TTLL5: variants seen among roughly 807,000 people sequenced by gnomAD.
The protein encoded by TTLL5 is tubulin polyglutamylase TTLL5.
A neutral mutation model predicts 168.4 loss-of-function variants in TTLL5; 132 were observed. That is an observed-to-expected ratio of 0.78 (90% CI 0.68 to 0.91). The LOEUF (loss-of-function observed/expected upper bound fraction) is 0.91, where lower values mean the gene tolerates loss of function less well. TTLL5 is among the 40% of genes least tolerant of loss of function. The pLI, the probability that TTLL5 is intolerant of heterozygous loss-of-function variation, is 0.00. For synonymous variants in TTLL5, 546 were observed against 558.6 expected (o/e 0.98, Z 0.32); for missense variants, 1,545 against 1,581.5 (o/e 0.98, Z 0.39).
At chr14:75,790,870 A>G (rs1466800278) in intron 26 of TTLL5, among the ~76,000 whole-genome samples, 2 of 149,736 alleles carry the variant, frequency 1.3e-5, no homozygotes, top group Non-Finnish European at 1.5e-5. Context: ...GCCAAGGCAG[A>G]CGGATCACGA....
At chr14:75,718,009 G>T in intron 10 of TTLL5, 47 bp downstream of exon 10, 1 of 1,560,770 alleles carries the variant, frequency 6.4e-7, no homozygotes, top group East Asian at 2.3e-5. Flanking sequence ...AGTCTCAGAT[G>T]TGGGTGTTGT....
At chr14:75,931,277 A>G (rs2034267707) in intron 31 of TTLL5, among the ~76,000 whole-genome samples, 1 of 152,112 alleles carries the variant, frequency 6.6e-6, no homozygotes, top group African/African-American at 2.4e-5. Flanking sequence ...CACATCCAGA[A>G]CTGACCTTAT....
At chr14:75,856,574 G>T (rs1369178226) in intron 28 of TTLL5, among the ~76,000 whole-genome samples, 1 of 150,008 alleles carries the variant, frequency 6.7e-6, no homozygotes, top group Non-Finnish European at 1.5e-5. Flanking sequence ...TTTTCTATTA[G>T]ATTTATTCTT....
At chr14:75,841,045 A>T (rs1335710328) in intron 28 of TTLL5, among the ~76,000 whole-genome samples, 2 of 152,180 alleles carry the variant, frequency 1.3e-5, no homozygotes, top group African/African-American at 4.8e-5. Context: ...CTCTTAAAAC[A>T]ACCAGATTTC....
chr14:75,856,587 G>A (rs147098188), intron 28 of TTLL5, among the ~76,000 whole-genome samples: 1 of 149,612 alleles, frequency 6.7e-6, no homozygotes, highest in East Asian at 2.0e-4. Flanking sequence ...TTATTCTTAG[G>A]TATTTGATGT....
At chr14:75,784,821 G>A (rs1892270156) in intron 26 of TTLL5, among the ~76,000 whole-genome samples, 1 of 152,052 alleles carries the variant, frequency 6.6e-6, no homozygotes, top group Non-Finnish European at 1.5e-5. Context: ...GTTATGATTT[G>A]CATTTCCCTA....
intron 17 of TTLL5, among the ~76,000 whole-genome samples, chr14:75,748,595 A>G (rs747245292): frequency 1.3e-5 from 2 of 152,186 alleles, no homozygotes; most frequent in Non-Finnish European, 2.9e-5. Context: ...CTCATTTCAG[A>G]TCCGTTGCTG....
In TTLL5 at chr14:75,939,051, G is replaced by A. The variant is rs566045759; in HGVS notation, c.3824-15373G>A. ...ACTCTGCCTTCAGTAACTTTGCGTT[G>A]GTTATTTGAACTCAATTGTGGTGGA... On this transcript the variant is annotated intron_variant, in intron 31 of 31. Transcript: ENST00000298832. Among the ~76,000 whole-genome samples, 16 of 152,278 alleles carry A rather than the reference G, an allele frequency of 1.1e-4. No homozygotes were observed. In the South Asian group the frequency reaches 3.3e-3, roughly 32 times the overall value.
chr14:75,740,713 T>TA (rs1413115757), intron 15 of TTLL5, among the ~76,000 whole-genome samples: 5 of 152,214 alleles, frequency 3.3e-5, no homozygotes, highest in Non-Finnish European at 7.4e-5. Flanking sequence ...GATTTATTGA[T>TA]AATGTGGTCT....
At chr14:75,690,043 C>A in intron 5 of TTLL5, 149 bp from the exon 6 acceptor site, 2 of 743,550 alleles carry the variant, frequency 2.7e-6, no homozygotes, top group South Asian at 2.1e-5. Flanking sequence ...GATTAATAAG[C>A]CTTTTGGATT....
At chr14:75,859,014 C>T (rs940872358) in intron 28 of TTLL5, among the ~76,000 whole-genome samples, 4 of 152,306 alleles carry the variant, frequency 2.6e-5, no homozygotes, top group East Asian at 1.9e-4. Flanking sequence ...GTTGCAAGCA[C>T]GATCAAAAAG....
intron 15 of TTLL5, among the ~76,000 whole-genome samples, chr14:75,736,735 A>T (rs1566581719): frequency 6.6e-6 from 1 of 152,128 alleles, no homozygotes; most frequent in Non-Finnish European, 1.5e-5. Context: ...CCTATCTATG[A>T]CCCCGTGCTG....
intron 30 of TTLL5, among the ~76,000 whole-genome samples, chr14:75,893,081 T>G (rs2032479725): frequency 6.6e-6 from 1 of 152,212 alleles, no homozygotes; most frequent in Admixed American, 6.5e-5. Context: ...GAACGTGAAT[T>G]CTTTACAGAT....
chr14:75,863,088 C>T (rs1331487380), intron 28 of TTLL5, among the ~76,000 whole-genome samples: 1 of 152,102 alleles, frequency 6.6e-6, no homozygotes, highest in Non-Finnish European at 1.5e-5. Flanking sequence ...CAGTGGGGAC[C>T]CTGTGAGGTA....
rs577138717 is a variant in TTLL5 at position 75,880,599 on chromosome 14, G to T, written c.3523-2086G>T. ...TCCTTACACCTAACCTCAATTATTA[G>T]GATGTAGTGGTGAAAATAGAAGCCT... On this transcript the variant is annotated intron_variant, in intron 29 of 31. Coordinates refer to ENST00000298832, the MANE Select transcript of TTLL5 (RefSeq NM_015072.5). 5.9e-5 allele frequency among the ~76,000 whole-genome samples: 9 copies of T among 152,292 alleles called. No individual in the cohort carries two copies. In the South Asian group the frequency reaches 1.7e-3, roughly 28 times the overall value.
chr14:75,862,348 G>T (rs1453009881), intron 28 of TTLL5, among the ~76,000 whole-genome samples: 1 of 152,144 alleles, frequency 6.6e-6, no homozygotes, highest in African/African-American at 2.4e-5. Context: ...ATATCTACAA[G>T]AAAAATTGCT....
intron 12 of TTLL5, among the ~76,000 whole-genome samples, chr14:75,731,298 T>C (rs1440590870): frequency 6.6e-6 from 1 of 151,860 alleles, no homozygotes; most frequent in Non-Finnish European, 1.5e-5. Context: ...AGCAGTTTTT[T>C]TGAGGGTCAC....
At chr14:75,900,062 G>A (rs2032854169) in intron 30 of TTLL5, among the ~76,000 whole-genome samples, 1 of 151,862 alleles carries the variant, frequency 6.6e-6, no homozygotes, top group Non-Finnish European at 1.5e-5. Context: ...CTTCTGTAAA[G>A]GAAAGAGCTT....
intron 31 of TTLL5, among the ~76,000 whole-genome samples, chr14:75,911,145 C>T (rs1053919074): frequency 9.9e-5 from 15 of 152,118 alleles, no homozygotes; most frequent in African/African-American, 7.2e-5. Context: ...CTCGAGCCTT[C>T]GCCTCCCGAG....
Sources: gnomAD v4.1 joint callset for allele counts (sites outside exome capture counted in the v4.1 genomes callset) on GRCh38, gnomAD v4.1.1 for gene constraint, MANE v1.5 for transcripts, NCBI Gene and HGNC (gene_info 2026-07-23, HGNC 2026-07-21) for gene names.